SULT2B1: variants seen among roughly 807,000 people sequenced by gnomAD.
The protein encoded by SULT2B1 is sulfotransferase family 2B member 1, also known as sulfotransferase 2B1.
In SULT2B1, 16 loss-of-function variants were observed where a neutral mutation model predicts 33.2. The ratio of observed to expected loss-of-function variants is 0.48; its 90% confidence interval spans 0.33 to 0.73. The LOEUF is 0.73. Among genes scored for constraint, SULT2B1 ranks in the 30% least tolerant of loss-of-function variants. SULT2B1 has a pLI of 0.02. For synonymous variants in SULT2B1, 186 were observed against 200.5 expected (o/e 0.93, Z 0.61); for missense variants, 500 against 506.0 (o/e 0.99, Z 0.11).
In SULT2B1 at chr19:48,576,354, CTTCTCT is replaced by C. The variant is rs1280445777; in HGVS notation, c.214+274_214+279del. ...TCCTCCCTTTCCCCTTTACCCTCTACTTCTCTTTTTTTTTTTTTTTTTTGTAGAGAT... is the reference window on the plus strand; with the variant it reads ...TCCTCCCTTTCCCCTTTACCCTCTACTTTTTTTTTTTTTTTTTGTAGAGAT... On this transcript the variant is annotated intron_variant, in intron 2 of 6. Coordinates refer to ENST00000201586, the MANE Select transcript of SULT2B1 (RefSeq NM_177973.2). Among the ~76,000 whole-genome samples the C allele has an allele frequency of 3.8e-5, 3 of 79,876 alleles. 1 individual carries two copies. The South Asian group carries it at 1.3e-3, about 34-fold the overall frequency. 52.4% of individuals were successfully genotyped at this position (79,876 alleles called of 152,430 possible).
At chr19:48,554,090 G>T (rs908948127) in intron 1 of SULT2B1, among the ~76,000 whole-genome samples, 2 of 151,980 alleles carry the variant, frequency 1.3e-5, no homozygotes, top group Non-Finnish European at 2.9e-5. Context: ...TCGTCATCGT[G>T]GGGGAGAATA....
intron 5 of SULT2B1, among the ~76,000 whole-genome samples, chr19:48,593,577 A>G (rs1973671456): frequency 6.6e-6 from 1 of 151,548 alleles, no homozygotes; most frequent in African/African-American, 2.4e-5. Flanking sequence ...AAAAGATTGA[A>G]CCACATGAAA....
intron 1 of SULT2B1, among the ~76,000 whole-genome samples, chr19:48,573,120 G>T (rs1328493712): frequency 6.8e-6 from 1 of 147,732 alleles, no homozygotes; most frequent in Non-Finnish European, 1.5e-5. Flanking sequence ...TCGTGTCACT[G>T]TACTCCAGCC....
chr19:48,569,043 A>C (rs1973282032), intron 1 of SULT2B1, among the ~76,000 whole-genome samples: 2 of 152,050 alleles, frequency 1.3e-5, no homozygotes. Context: ...TTTTAGATTA[A>C]ATGTTAGATA....
At chr19:48,555,584 C>A (rs1973088882) in intron 1 of SULT2B1, among the ~76,000 whole-genome samples, 1 of 140,712 alleles carries the variant, frequency 7.1e-6, no homozygotes, top group Non-Finnish European at 1.6e-5. Context: ...CTCTCTCTCT[C>A]TCTCTTTTGA....
intron 2 of SULT2B1, among the ~76,000 whole-genome samples, chr19:48,586,949 A>G (rs1973568260): frequency 6.6e-6 from 1 of 152,072 alleles, no homozygotes; most frequent in Non-Finnish European, 1.5e-5. Context: ...CGTCTCTACT[A>G]AAAATACAAA....
chr19:48,569,986 T>C (rs1362678829), intron 1 of SULT2B1, among the ~76,000 whole-genome samples: 1 of 152,034 alleles, frequency 6.6e-6, no homozygotes, highest in Non-Finnish European at 1.5e-5. Flanking sequence ...ATCTGCAAAG[T>C]CCGTTTGGCC....
At chr19:48,569,490 T>C (rs1463744781) in intron 1 of SULT2B1, among the ~76,000 whole-genome samples, 1 of 150,652 alleles carries the variant, frequency 6.6e-6, no homozygotes, top group Non-Finnish European at 1.5e-5. Context: ...GAGGCTGAGG[T>C]GGGAGGATCG....
chr19:48,590,177 C>T (rs960639206), intron 3 of SULT2B1, among the ~76,000 whole-genome samples: 6 of 151,886 alleles, frequency 4.0e-5, no homozygotes, highest in Non-Finnish European at 8.8e-5. Flanking sequence ...TCAGTAGAGA[C>T]GGGGTTTCAC....
At chr19:48,557,682 C>A (rs1198493782) in intron 1 of SULT2B1, among the ~76,000 whole-genome samples, 2 of 150,926 alleles carry the variant, frequency 1.3e-5, no homozygotes, top group South Asian at 4.2e-4. Context: ...TTTGGGAGGC[C>A]GAGGTGGGCG....
chr19:48,590,189 A>G (rs1416451731), intron 3 of SULT2B1, among the ~76,000 whole-genome samples: 1 of 151,840 alleles, frequency 6.6e-6, no homozygotes, highest in African/African-American at 2.4e-5. Context: ...GGGTTTCACC[A>G]TGTTGACCAG....
In SULT2B1 at chr19:48,598,619, G is replaced by A. The variant is rs560741948; in HGVS notation, c.827-516G>A. ...AAAATGGAAAACTGAGGCTTGGAGG[G>A]TTCCTGAGGCTCGCTTGCTGCGCCA... On this transcript the variant is annotated intron_variant, in intron 6 of 6. Coordinates refer to ENST00000201586, the MANE Select transcript of SULT2B1 (RefSeq NM_177973.2). 3.7e-4 allele frequency among the ~76,000 whole-genome samples: 57 copies of A among 152,150 alleles called. 1 individual carries two copies. The highest frequency in any genetic ancestry group is 1.3e-3 in the African/African-American group (55 of 41,516).
At chr19:48,554,124 A>T (rs1973062812) in intron 1 of SULT2B1, among the ~76,000 whole-genome samples, 1 of 152,046 alleles carries the variant, frequency 6.6e-6, no homozygotes, top group South Asian at 2.1e-4. Context: ...AGACTCCTCC[A>T]GCCCTGATGG....
intron 3 of SULT2B1, 38 bp downstream of exon 3, chr19:48,587,475 C>T: frequency 6.2e-7 from 1 of 1,606,956 alleles, no homozygotes; most frequent in Non-Finnish European, 8.5e-7. Context: ...GGAGGGGCTG[C>T]ATGGGTGTAT....
In SULT2B1 at chr19:48,576,528, T is replaced by C. The variant is rs1048742652; in HGVS notation, c.214+445T>C. ...ATTTTTATTTTTCGAGACAAGGTCT[T>C]GCTCTGTCACTCAGGCTGGGGTGCA... On this transcript the variant is annotated intron_variant, in intron 2 of 6. Coordinates refer to ENST00000201586, the MANE Select transcript of SULT2B1 (RefSeq NM_177973.2). Among the ~76,000 whole-genome samples, 4 of 150,390 alleles carry C rather than the reference T, an allele frequency of 2.7e-5. No individual in the cohort carries two copies. In the East Asian group the frequency reaches 7.9e-4, roughly 30 times the overall value.
intron 2 of SULT2B1, among the ~76,000 whole-genome samples, chr19:48,579,593 T>TTTTCTTTCTTTC (rs758016211): frequency 9.0e-6 from 1 of 110,934 alleles, no homozygotes. Context: ...TTTTCTTTTC[T>TTTTCTTTCTTTC]TTTCTTTCTT....
In SULT2B1 at chr19:48,576,049, C is replaced by T. The variant is rs757069419; in HGVS notation, c.180C>T (p.Asp60=). The T allele has an allele frequency of 6.8e-6, 11 of 1,613,222 alleles. No homozygotes were observed. In the African/African-American group the frequency reaches 1.1e-4, roughly 16 times the overall value. Residue 60 remains aspartate (D), a synonymous_variant, in exon 2 of 7, where the codon GAC becomes GAT. Coordinates refer to ENST00000201586, the MANE Select transcript of SULT2B1 (RefSeq NM_177973.2). ...CGGAGAACACCCAAGATGTGCGGGA[C>T]GACGACATCTTTATCATCACCTACC... ...SLAENTQDVR[D]DDIFIITYPK...
chr19:48,553,513 A>G (rs1292076289), intron 1 of SULT2B1, among the ~76,000 whole-genome samples: 1 of 152,084 alleles, frequency 6.6e-6, no homozygotes, highest in Non-Finnish European at 1.5e-5. Flanking sequence ...GGGTTTCACC[A>G]TGTCGGCCAG....
intron 2 of SULT2B1, among the ~76,000 whole-genome samples, chr19:48,581,146 C>G (rs1454768010): frequency 2.8e-5 from 4 of 142,240 alleles, no homozygotes; most frequent in Non-Finnish European, 6.0e-5. Flanking sequence ...AAGTGATTCT[C>G]CTGCCTCAGC....
Sources: gnomAD v4.1 joint callset for allele counts (sites outside exome capture counted in the v4.1 genomes callset) on GRCh38, gnomAD v4.1.1 for gene constraint, MANE v1.5 for transcripts, NCBI Gene and HGNC (gene_info 2026-07-23, HGNC 2026-07-21) for gene names.